Variants in CNTN5 observed in about 807,000 individuals in gnomAD.
The protein encoded by CNTN5 is contactin 5.
A neutral mutation model predicts 129.1 loss-of-function variants in CNTN5; 77 were observed. The ratio of observed to expected loss-of-function variants is 0.60; its 90% CI spans 0.50 to 0.72. The LOEUF is 0.72. CNTN5 is among the 30% of genes least tolerant of loss of function. CNTN5 has a pLI of 0.00. For missense variants in CNTN5, 1,478 were observed against 1,328.8 expected (o/e 1.11, Z -1.75); for synonymous variants, 509 against 465.6 (o/e 1.09, Z -1.20).
In CNTN5 at chr11:100,191,265, C is replaced by T. The variant is rs534822065; in HGVS notation, c.1708+12C>T. Reference sequence around the variant, plus strand: ...GCTATCTGTAAAAGGTAAGACAGCACGGGTAAATGTTTTACAAGCATAGTC... The same window carrying T: ...GCTATCTGTAAAAGGTAAGACAGCATGGGTAAATGTTTTACAAGCATAGTC... On this transcript the variant is annotated intron_variant, in intron 14 of 24. Coordinates refer to ENST00000524871, the MANE Select transcript of CNTN5 (RefSeq NM_014361.4). 28 of 1,605,406 alleles carry T rather than the reference C, an allele frequency of 1.7e-5. No homozygotes were observed. In the South Asian group the frequency reaches 2.7e-4, roughly 15 times the overall value.
intron 1 of CNTN5, among the ~76,000 whole-genome samples, chr11:99,228,797 C>T (rs1282236801): frequency 5.3e-5 from 8 of 151,866 alleles, no homozygotes; most frequent in Non-Finnish European, 1.2e-4. Flanking sequence ...TCATATATCA[C>T]TACTTAATTA....
chr11:99,587,620 G>A (rs1949840438), intron 3 of CNTN5, among the ~76,000 whole-genome samples: 1 of 151,724 alleles, frequency 6.6e-6, no homozygotes, highest in Non-Finnish European at 1.5e-5. Flanking sequence ...CTCAGAATTT[G>A]AAAGATGTGT....
chr11:99,227,460 G>A (rs1267396626), intron 1 of CNTN5, among the ~76,000 whole-genome samples: 1 of 151,812 alleles, frequency 6.6e-6, no homozygotes, highest in Non-Finnish European at 1.5e-5. Context: ...TAGAAACAAA[G>A]CTAAAAACTC....
intron 9 of CNTN5, among the ~76,000 whole-genome samples, chr11:100,052,087 G>T (rs1392704420): frequency 6.6e-6 from 1 of 151,778 alleles, no homozygotes; most frequent in East Asian, 1.9e-4. Context: ...CTATTAAAAA[G>T]CAATTTATAT....
intron 2 of CNTN5, among the ~76,000 whole-genome samples, chr11:99,391,576 G>A (rs1374493590): frequency 6.6e-6 from 1 of 152,074 alleles, no homozygotes; most frequent in African/African-American, 2.4e-5. Context: ...TAGTATTGAA[G>A]TTGATGCTCA....
chr11:99,729,264 G>C (rs1943449301), intron 3 of CNTN5, among the ~76,000 whole-genome samples: 2 of 152,212 alleles, frequency 1.3e-5, no homozygotes, highest in South Asian at 4.1e-4. Flanking sequence ...ATATTGGGCA[G>C]GAAGGAAAAT....
chr11:99,127,333 C>T (rs759636857), intron 1 of CNTN5, among the ~76,000 whole-genome samples: 15 of 152,144 alleles, frequency 9.9e-5, no homozygotes, highest in South Asian at 2.1e-4. Context: ...GATTCAGCCA[C>T]AAACCTGGAT....
At chr11:100,306,290 C>A (rs938369721) in intron 20 of CNTN5, among the ~76,000 whole-genome samples, 6 of 151,532 alleles carry the variant, frequency 4.0e-5, no homozygotes, top group Admixed American at 3.3e-4. Flanking sequence ...TTTTTTTAAA[C>A]TTTCTATTTG....
At chr11:99,983,565 C>T (rs1012322488) in intron 8 of CNTN5, among the ~76,000 whole-genome samples, 3 of 152,114 alleles carry the variant, frequency 2.0e-5, no homozygotes, top group African/African-American at 7.2e-5. Context: ...TTGCTTTCAG[C>T]ACAAAAACTC....
At chr11:99,206,192 G>A (rs1227347643) in intron 1 of CNTN5, among the ~76,000 whole-genome samples, 2 of 152,034 alleles carry the variant, frequency 1.3e-5, no homozygotes, top group Admixed American at 1.3e-4. Context: ...GGATTGTGCA[G>A]GTAGATTTAT....
chr11:99,686,324 A>C (rs909951515), intron 3 of CNTN5, among the ~76,000 whole-genome samples: 8 of 152,092 alleles, frequency 5.3e-5, no homozygotes, highest in African/African-American at 1.7e-4. Context: ...GCTGTTGATG[A>C]ATCTTCTTTT....
At chr11:99,743,545 A>C (rs560254838) in intron 3 of CNTN5, among the ~76,000 whole-genome samples, 25 of 152,294 alleles carry the variant, frequency 1.6e-4, no homozygotes, top group Admixed American at 1.6e-3. Flanking sequence ...GTACATATAA[A>C]GTCGTTAAGG....
chr11:100,049,280 A>G (rs1303450397), intron 9 of CNTN5, among the ~76,000 whole-genome samples: 1 of 152,168 alleles, frequency 6.6e-6, no homozygotes, highest in Non-Finnish European at 1.5e-5. Context: ...TATGAAAAGA[A>G]TGGCACAAAG....
At chr11:99,274,156 C>T (rs966642016) in intron 1 of CNTN5, among the ~76,000 whole-genome samples, 4 of 151,686 alleles carry the variant, frequency 2.6e-5, no homozygotes, top group African/African-American at 7.3e-5. Context: ...TTCCATTTTG[C>T]AGTGCTATTT....
At chr11:99,201,235 A>C (rs2135629110) in intron 1 of CNTN5, among the ~76,000 whole-genome samples, 1 of 151,582 alleles carries the variant, frequency 6.6e-6, no homozygotes, top group Admixed American at 6.6e-5. Flanking sequence ...CATATTGGCC[A>C]GGCTGGTCTC....
At chr11:99,952,116 C>G (rs1258968905) in intron 7 of CNTN5, among the ~76,000 whole-genome samples, 1 of 152,074 alleles carries the variant, frequency 6.6e-6, no homozygotes, top group East Asian at 1.9e-4. Flanking sequence ...ATATATTTCC[C>G]ACCAATTTCA....
At position 99,810,481 on chromosome 11, in the gene CNTN5, GCTTT is replaced by G. The variant is rs1946396903; in HGVS notation, c.56-9062_56-9059del. 2.0e-5 allele frequency among the ~76,000 whole-genome samples: 3 copies of G among 152,062 alleles called. 1 individual carries two copies. Among genetic ancestry groups the G allele is most frequent in the Admixed American group, 2.0e-4 (3 of 15,248 alleles). The stretch of plus-strand genomic sequence containing the variant: ...ATCGTGTATTTCATCCTCTGCATAT[GCTTT>G]TTGCTCTTGAAGCTACAACACTGTA... On this transcript the variant is annotated intron_variant, in intron 3 of 24. Coordinates refer to ENST00000524871, the MANE Select transcript of CNTN5 (RefSeq NM_014361.4).
At chr11:99,091,595 C>T (rs1376174760) in intron 1 of CNTN5, among the ~76,000 whole-genome samples, 1 of 152,118 alleles carries the variant, frequency 6.6e-6, no homozygotes, top group Non-Finnish European at 1.5e-5. Flanking sequence ...GAGCTGAGCC[C>T]ACCAAGGGAG....
chr11:99,856,033 A>G (rs1948023927), intron 6 of CNTN5, among the ~76,000 whole-genome samples: 1 of 152,226 alleles, frequency 6.6e-6, no homozygotes, highest in Admixed American at 6.5e-5. Context: ...CATTTTAAAA[A>G]ATGCAGAGAG....
Sources: allele counts gnomAD v4.1 joint callset (sites outside exome capture counted in the v4.1 genomes callset), GRCh38; gene constraint gnomAD v4.1.1; transcripts MANE v1.5; gene names NCBI Gene and HGNC (gene_info 2026-07-23, HGNC 2026-07-21).